CACNA1C: variants seen among roughly 807,000 people sequenced by gnomAD.
The protein encoded by CACNA1C is voltage-dependent L-type calcium channel subunit alpha-1C.
In CACNA1C, 30 loss-of-function variants were observed where a neutral mutation model predicts 229.0. The observed-to-expected ratio is 0.13, with a 90% confidence interval of 0.10 to 0.18. The LOEUF (loss-of-function observed/expected upper bound fraction) is 0.18. Ranked by LOEUF, CACNA1C falls within the 10% of genes least tolerant of loss-of-function variation. The pLI, the probability that CACNA1C is intolerant of heterozygous loss-of-function variation, is 1.00. For missense variants in CACNA1C, 1,658 were observed against 2,845.0 expected (o/e 0.58, Z 9.49); for synonymous variants, 1,114 against 1,132.5 (o/e 0.98, Z 0.33).
At chr12:2,290,185 A>G (rs2093322124) in intron 3 of CACNA1C, among the ~76,000 whole-genome samples, 1 of 152,242 alleles carries the variant, frequency 6.6e-6, no homozygotes, top group Non-Finnish European at 1.5e-5. Context: ...ACAGGTGGTA[A>G]GCATGGACAG....
intron 3 of CACNA1C, among the ~76,000 whole-genome samples, chr12:2,270,928 A>G (rs1207187910): frequency 1.3e-5 from 2 of 152,076 alleles, no homozygotes; most frequent in Non-Finnish European, 2.9e-5. Context: ...TGAAGTAAGC[A>G]TGAAAGGGGA....
chr12:2,358,516 C>G (rs116992907), intron 3 of CACNA1C, among the ~76,000 whole-genome samples: 1 of 152,124 alleles, frequency 6.6e-6, no homozygotes, highest in Non-Finnish European at 1.5e-5. Flanking sequence ...ACTATACTCT[C>G]TAAAGTCAGT....
chr12:2,439,102 G>A (rs2099189216), intron 3 of CACNA1C, among the ~76,000 whole-genome samples: 1 of 152,162 alleles, frequency 6.6e-6, no homozygotes. Context: ...TTGGGGCTGT[G>A]GCCACGCTCT....
intron 11 of CACNA1C, among the ~76,000 whole-genome samples, chr12:2,560,587 A>G (rs1830798192): frequency 6.6e-6 from 1 of 152,206 alleles, no homozygotes; most frequent in Admixed American, 6.5e-5. Flanking sequence ...ACCTGAAGGG[A>G]TTGATTACAC....
intron 3 of CACNA1C, among the ~76,000 whole-genome samples, chr12:2,358,649 A>G (rs2097460812): frequency 6.6e-6 from 1 of 152,206 alleles, no homozygotes. Flanking sequence ...TAAGTGCACT[A>G]GGCTTTCTGG....
intron 5 of CACNA1C, among the ~76,000 whole-genome samples, chr12:2,470,050 T>C (rs901953668): frequency 2.0e-5 from 3 of 152,374 alleles, no homozygotes; most frequent in Admixed American, 6.5e-5. Flanking sequence ...AATTTCTTTT[T>C]TAACCACTAA....
At chr12:2,260,508 GAA>G (rs2079696484) in intron 3 of CACNA1C, among the ~76,000 whole-genome samples, 2 of 148,998 alleles carry the variant, frequency 1.3e-5, no homozygotes, top group South Asian at 4.3e-4. Flanking sequence ...ACAAGAAGAA[GAA>G]AGAGACAGAA....
At chr12:2,199,022 ACAT>A (rs1367897198) in intron 3 of CACNA1C, among the ~76,000 whole-genome samples, 2 of 152,180 alleles carry the variant, frequency 1.3e-5, no homozygotes, top group African/African-American at 4.8e-5. Context: ...TTTTTGAGAT[ACAT>A]CGAGTGGCTC....
At chr12:2,280,110 G>A (rs572103142) in intron 3 of CACNA1C, among the ~76,000 whole-genome samples, 6 of 151,960 alleles carry the variant, frequency 3.9e-5, no homozygotes, top group Non-Finnish European at 5.9e-5. Flanking sequence ...CCAATTTGCT[G>A]TTGATGCCTT....
In CACNA1C at chr12:2,415,012, G is replaced by T. The variant is rs553809411; in HGVS notation, c.478-33964G>T. On this transcript the variant is annotated intron_variant, in intron 3 of 46. Transcript: ENST00000399655. The stretch of plus-strand genomic sequence containing the variant: ...CTCTCTTCCCCAAGGCACCCGACAC[G>T]GTCTGTGTGTGCCATGGGCTCCTGT... Among the ~76,000 whole-genome samples, 8 of 152,272 alleles carry T rather than the reference G, an allele frequency of 5.3e-5. No homozygotes were observed. The South Asian group carries it at 1.5e-3, about 28-fold the overall frequency.
Position 2,053,295 on chromosome 12 carries a change from C to T in CACNA1C, c.-268C>T. On this transcript the variant is annotated 5_prime_UTR_variant, in exon 1 of 47. Coordinates refer to ENST00000399655, the MANE Select transcript of CACNA1C (RefSeq NM_000719.7). The surrounding 1 kb of genome is among the most constrained non-coding windows in gnomAD (Gnocchi z 5.8). ...GCCGCCGGAGGTGCGGTGCTCAGTT[C>T]TTGGAAGGGGCCCGGATGTACTGAG... 1 of 1,179,134 alleles carries T rather than the reference C, an allele frequency of 8.5e-7. No individual in the cohort carries two copies. The highest frequency in any genetic ancestry group is 1.0e-6 in the Non-Finnish European group (1 of 952,426). 73.0% of individuals were successfully genotyped at this position (1,179,134 alleles called of 1,614,324 possible).
intron 3 of CACNA1C, among the ~76,000 whole-genome samples, chr12:2,218,815 C>T (rs1017202312): frequency 3.3e-5 from 5 of 152,300 alleles, no homozygotes; most frequent in Admixed American, 3.3e-4. Context: ...GGGGTCTGAT[C>T]ATTTCAGTGT....
At chr12:2,501,044 TAA>T (rs3058714) in intron 7 of CACNA1C, among the ~76,000 whole-genome samples, 12,506 of 139,704 alleles carry the variant, frequency 0.09, 640 homozygotes, top group Non-Finnish European at 0.12. Flanking sequence ...GTCTCTACTT[TAA>T]AAAAAAAAAA....
chr12:2,012,247 T>A (rs1395533831), intron 1 of CACNA1C, among the ~76,000 whole-genome samples: 1 of 152,186 alleles, frequency 6.6e-6, no homozygotes, highest in Non-Finnish European at 1.5e-5. Context: ...ACTTCTATAA[T>A]GCTGAGATTT....
At chr12:2,002,266 T>G (rs113124408) in intron 1 of CACNA1C, among the ~76,000 whole-genome samples, 4,169 of 152,292 alleles carry the variant, frequency 0.027, 94 homozygotes, top group Middle Eastern at 0.054. Flanking sequence ...CATATTCTTA[T>G]TAGGTTTACA....
chr12:2,086,753 A>G (rs994141996), intron 1 of CACNA1C, among the ~76,000 whole-genome samples: 2 of 152,186 alleles, frequency 1.3e-5, no homozygotes, highest in African/African-American at 4.8e-5. Context: ...ATTGCAGGTG[A>G]GGAAACAGAG....
chr12:2,110,590 T>G (rs2081273814), intron 1 of CACNA1C, among the ~76,000 whole-genome samples: 2 of 152,220 alleles, frequency 1.3e-5, no homozygotes, highest in African/African-American at 4.8e-5. Flanking sequence ...GACACAATGC[T>G]GCCTGCCCTA....
rs1481443709 is a variant in CACNA1C at position 2,319,786 on chromosome 12, G to A, written c.478-129190G>A. The stretch of plus-strand genomic sequence containing the variant: ...CAAGAAGGGAGACAGCAGAGCACTA[G>A]ATGGGAAGGGGCTGGACCCTGAAAG... On this transcript the variant is annotated intron_variant, in intron 3 of 46. Transcript: ENST00000399655. The surrounding 1 kb of genome is among the most constrained non-coding windows in gnomAD (Gnocchi z 4.0). Among the ~76,000 whole-genome samples the A allele has an allele frequency of 3.3e-5, 5 of 152,154 alleles. No individual in the cohort carries two copies. The highest frequency in any genetic ancestry group is 3.3e-4 in the Admixed American group (5 of 15,276).
chr12:2,118,880 T>C (rs2085217873), intron 2 of CACNA1C, among the ~76,000 whole-genome samples: 1 of 152,222 alleles, frequency 6.6e-6, no homozygotes, highest in Non-Finnish European at 1.5e-5. Flanking sequence ...ACAGGTCCAC[T>C]GTGTGGCATC....
Sources: gnomAD v4.1 joint callset for allele counts (sites outside exome capture counted in the v4.1 genomes callset) on GRCh38, gnomAD v4.1.1 for gene constraint, Gnocchi (gnomAD v3.1) non-coding constraint, MANE v1.5 for transcripts, NCBI Gene and HGNC (gene_info 2026-07-23, HGNC 2026-07-21) for gene names.